Variants in NFIB observed in about 807,000 individuals in gnomAD.
NFIB encodes nuclear factor 1 B-type.
A neutral mutation model predicts 61.5 loss-of-function variants in NFIB; 11 were observed. The ratio of observed to expected loss-of-function variants is 0.18; its 90% CI spans 0.11 to 0.30. NFIB has a LOEUF of 0.30. Ranked by LOEUF, NFIB falls within the 10% of genes least tolerant of loss-of-function variation. NFIB has a pLI of 1.00. For synonymous variants in NFIB, 260 were observed against 216.5 expected, an observed-to-expected ratio of 1.20 and a Z score of -1.76; for missense variants, 471 against 608.9, an observed-to-expected ratio of 0.77 and a Z score of 2.38.
chr9:14,197,128 G>C (rs535487317), intron 2 of NFIB, among the ~76,000 whole-genome samples: 4 of 152,306 alleles, frequency 2.6e-5, no homozygotes, highest in South Asian at 2.1e-4. Context: ...TCCCGAAATA[G>C]GTTGTGCTTT....
chr9:14,321,228 G>T (rs978215778), intron 1 of NFIB, among the ~76,000 whole-genome samples: 1 of 152,076 alleles, frequency 6.6e-6, no homozygotes, highest in African/African-American at 2.4e-5. Context: ...ACGAGAGATA[G>T]AGACACACAT....
the NFIB span, among the ~76,000 whole-genome samples, chr9:14,490,901 C>T: frequency 4.7e-4 from 72 of 152,114 alleles, 1 homozygote; most frequent in African/African-American, 1.7e-3. Flanking sequence ...AGTTTTATAC[C>T]CTGGAGAAAA....
intron 1 of NFIB, among the ~76,000 whole-genome samples, chr9:14,340,973 C>T (rs1009173665): frequency 6.6e-6 from 1 of 151,366 alleles, no homozygotes; most frequent in East Asian, 1.9e-4. Context: ...TACGTTAATA[C>T]TCGTTGTACC....
At chr9:14,136,628 G>A (rs940444855) in intron 6 of NFIB, among the ~76,000 whole-genome samples, 3 of 152,120 alleles carry the variant, frequency 2.0e-5, no homozygotes, top group Admixed American at 6.5e-5. Context: ...ATCCACGCTG[G>A]TAATGGTTAG....
At chr9:14,337,023 G>C (rs73641906) in intron 1 of NFIB, among the ~76,000 whole-genome samples, 208 of 152,220 alleles carry the variant, frequency 1.4e-3, no homozygotes, top group African/African-American at 4.8e-3. Context: ...CATGTCATGG[G>C]ATATTATTCT....
chr9:14,246,629 C>T (rs1471157152), intron 2 of NFIB, among the ~76,000 whole-genome samples: 6 of 152,300 alleles, frequency 3.9e-5, no homozygotes, highest in African/African-American at 1.2e-4. Flanking sequence ...ATGAGAACTT[C>T]AGTGAGTAAT....
chr9:14,157,152 T>A (rs1243975677), intron 3 of NFIB, among the ~76,000 whole-genome samples: 1 of 152,086 alleles, frequency 6.6e-6, no homozygotes, highest in Non-Finnish European at 1.5e-5. Flanking sequence ...ATAAACCCCA[T>A]GATAAGCATG....
At chr9:14,182,090 G>C (rs774817763) in intron 2 of NFIB, among the ~76,000 whole-genome samples, 8 of 152,066 alleles carry the variant, frequency 5.3e-5, no homozygotes, top group Non-Finnish European at 1.2e-4. Context: ...CATCCCACTT[G>C]GGAAACTCTA....
chr9:14,237,804 G>A (rs1240569330), intron 2 of NFIB, among the ~76,000 whole-genome samples: 1 of 113,394 alleles, frequency 8.8e-6, no homozygotes, highest in African/African-American at 3.4e-5. Context: ...GTGTGTGTGT[G>A]TGTGTGTGTG....
chr9:14,322,268 C>T lies in NFIB; in HGVS notation c.109-14748G>A, dbSNP rs925022247. The T allele has an allele frequency of 2.6e-5, 12 of 465,566 alleles. No individual in the cohort carries two copies. The East Asian group carries it at 3.0e-4, about 12-fold the overall frequency. The allele number at this position is 465,566 out of a possible 1,614,324, so 28.8% of individuals were successfully genotyped here. A position where few individuals can be genotyped will look rare whatever the true frequency, so the allele number is the denominator to read the frequency against. Reference sequence around the variant, plus strand: ...CTCTCCCTTGCAGAAGGCTGTTTCTCGTGCTTGACTTGAACGCCGTCCAGG... The same window carrying T: ...CTCTCCCTTGCAGAAGGCTGTTTCTTGTGCTTGACTTGAACGCCGTCCAGG... On this transcript the variant is annotated intron_variant, in intron 1 of 8. Coordinates refer to the NFIB transcript ENST00000380934.
intron 1 of NFIB, among the ~76,000 whole-genome samples, chr9:14,330,756 T>A (rs1429611338): frequency 6.6e-6 from 1 of 152,086 alleles, no homozygotes; most frequent in Non-Finnish European, 1.5e-5. Context: ...GGTGAATAAT[T>A]GAGAAGCTCG....
intron 2 of NFIB, among the ~76,000 whole-genome samples, chr9:14,282,511 G>A (rs780522165): frequency 2.6e-5 from 4 of 152,224 alleles, no homozygotes; most frequent in Non-Finnish European, 4.4e-5. Flanking sequence ...TACAAGTGAT[G>A]TGACTTTCTA....
Position 14,120,028 on chromosome 9 carries a change from G to A in NFIB, c.1245+412C>T, listed in dbSNP as rs1010635117. ...AAGCTTATTTTAATACCTAATAGTT[G>A]GTCTATAAATACAACTGTAAGTTCT... On this transcript the variant is annotated intron_variant, in intron 8 of 10. Coordinates refer to ENST00000380953, the MANE Select transcript of NFIB (RefSeq NM_001190737.2). The surrounding 1 kb of genome is among the most constrained non-coding windows in gnomAD (Gnocchi z 4.4). Among the ~76,000 whole-genome samples the A allele has an allele frequency of 6.6e-6, 1 of 152,056 alleles. No individual in the cohort carries two copies. The highest frequency in any genetic ancestry group is 2.4e-5 in the African/African-American group (1 of 41,388).
At chr9:14,275,589 C>G (rs574045234) in intron 2 of NFIB, among the ~76,000 whole-genome samples, 2 of 152,212 alleles carry the variant, frequency 1.3e-5, no homozygotes, top group South Asian at 2.1e-4. Context: ...AAAACCCTAT[C>G]ACACCCAGGG....
rs79088255 is a variant in NFIB, at chr9:14,166,408, C to T, written c.617-10515G>A. ...GTGAAAAACAATGTTTTTTCCATCACAATTTCAAGTATTCTCCCACTGTCT... is the reference window on the plus strand; with the variant it reads ...GTGAAAAACAATGTTTTTTCCATCATAATTTCAAGTATTCTCCCACTGTCT... On this transcript the variant is annotated intron_variant, in intron 3 of 10. Coordinates refer to ENST00000380953, the MANE Select transcript of NFIB (RefSeq NM_001190737.2). 2.0e-4 allele frequency among the ~76,000 whole-genome samples: 30 copies of T among 152,232 alleles called. No individual in the cohort carries two copies. The East Asian group carries it at 5.6e-3, about 28-fold the overall frequency.
chr9:14,216,528 CTCTCTCTCTCTCTCCCTCTGTG>C lies in NFIB; in HGVS notation c.563-36770_563-36749del, dbSNP rs1461411577. On this transcript the variant is annotated intron_variant, in intron 2 of 10. Transcript: ENST00000380953. ...TCTCTCTCTCTCTCTCTCTCTCTCT[CTCTCTCTCTCTCTCCCTCTGTG>C]TGTGTGTGTGTGTGTGTGTGTGTGT... 9.5e-4 allele frequency among the ~76,000 whole-genome samples: 85 copies of C among 89,658 alleles called. 2 individuals are homozygous for C. The highest frequency in any genetic ancestry group is 6.3e-3 in the African/African-American group (74 of 11,742). The allele number at this position is 89,658 out of a possible 152,430, so 58.8% of individuals were successfully genotyped here.
At chr9:14,242,686 C>A (rs1391977592) in intron 2 of NFIB, among the ~76,000 whole-genome samples, 2 of 152,172 alleles carry the variant, frequency 1.3e-5, no homozygotes, top group African/African-American at 4.8e-5. Flanking sequence ...TCTTCTTATG[C>A]ATATCTTATC....
In NFIB at chr9:14,366,684, C is replaced by T. The variant is rs150538483; in HGVS notation, c.108+31840G>A. Among the ~76,000 whole-genome samples, 121 of 152,204 alleles carry T rather than the reference C, an allele frequency of 7.9e-4. 1 individual carries two copies. The highest frequency in any genetic ancestry group is 2.8e-3 in the African/African-American group (117 of 41,530). On this transcript the variant is annotated intron_variant, in intron 1 of 8. Transcript: ENST00000380934. ...GTATTTTTAGTAGAGATGGGTTTCA[C>T]CATGTTGGCCAGGCTGGTCTCGAAC...
the NFIB span, among the ~76,000 whole-genome samples, chr9:14,428,899 A>C: frequency 6.6e-6 from 1 of 152,166 alleles, no homozygotes; most frequent in African/African-American, 2.4e-5. Context: ...CCTTGGAAGA[A>C]AAAAACAGAA....
Sources: gnomAD v4.1 joint callset for allele counts (sites outside exome capture counted in the v4.1 genomes callset) on GRCh38, gnomAD v4.1.1 for gene constraint, Gnocchi (gnomAD v3.1) non-coding constraint, MANE v1.5 for transcripts, NCBI Gene and HGNC (gene_info 2026-07-23, HGNC 2026-07-21) for gene names.